The following SOS1 variants were observed in gnomAD, a reference collection of about 807,000 sequenced individuals.
The protein encoded by SOS1 is SOS Ras/Rac guanine nucleotide exchange factor 1.
A neutral mutation model predicts 157.6 loss-of-function variants in SOS1; 25 were observed. The observed-to-expected ratio is 0.16, with a 90% CI of 0.12 to 0.22. The LOEUF (loss-of-function observed/expected upper bound fraction) is 0.22, where lower values mean the gene tolerates loss of function less well. SOS1 is among the 10% of genes least tolerant of loss of function. The probability of loss-of-function intolerance (pLI) is 1.00; values close to 1 mark genes in which losing one functional copy is unlikely to be tolerated. For missense variants in SOS1, 1,237 were observed against 1,599.1 expected (o/e 0.77, Z 3.86); for synonymous variants, 528 against 534.0 (o/e 0.99, Z 0.16).
At chr2:39,119,922 G>C (rs1383757071) in intron 1 of SOS1, among the ~76,000 whole-genome samples, 1 of 152,140 alleles carries the variant, frequency 6.6e-6, no homozygotes, top group African/African-American at 2.4e-5. Context: ...CTTACGGCCA[G>C]GGCATTCTCA....
chr2:38,997,066 T>A, intron 18 of SOS1, 28 bp from the exon 19 acceptor site: 2 of 1,215,082 alleles, frequency 1.6e-6, no homozygotes, highest in Non-Finnish European at 2.4e-6. Context: ...AAAAAATTAT[T>A]AATATTCAAA....
At chr2:39,018,225 T>C (rs1669689089) in intron 10 of SOS1, among the ~76,000 whole-genome samples, 1 of 151,926 alleles carries the variant, frequency 6.6e-6, no homozygotes, top group Non-Finnish European at 1.5e-5. Flanking sequence ...TGTTTATCAC[T>C]TACTTGTGGA....
At chr2:39,060,956 C>T (rs999316858) in intron 2 of SOS1, among the ~76,000 whole-genome samples, 6 of 149,004 alleles carry the variant, frequency 4.0e-5, no homozygotes, top group African/African-American at 1.2e-4. Context: ...AAATCACCAG[C>T]GGTGGAATTA....
chr2:39,104,456 T>G (rs925887089), intron 1 of SOS1, among the ~76,000 whole-genome samples: 2 of 151,808 alleles, frequency 1.3e-5, no homozygotes, highest in African/African-American at 4.8e-5. Flanking sequence ...AGAAAGAAAA[T>G]AGCAAGTGTG....
intron 1 of SOS1, among the ~76,000 whole-genome samples, chr2:39,100,275 TAAAAA>T (rs1672917397): frequency 6.6e-6 from 1 of 152,032 alleles, no homozygotes; most frequent in Non-Finnish European, 1.5e-5. Flanking sequence ...CTCAAAAACT[TAAAAA>T]TAGAACTACC....
At chr2:39,117,840 G>C (rs1056361430) in intron 1 of SOS1, among the ~76,000 whole-genome samples, 1 of 152,180 alleles carries the variant, frequency 6.6e-6, no homozygotes, top group Non-Finnish European at 1.5e-5. Context: ...GTAATACAAA[G>C]AAGCCAGAGA....
intron 19 of SOS1, among the ~76,000 whole-genome samples, chr2:38,995,783 T>TAAC (rs1201745491): frequency 6.6e-6 from 1 of 152,226 alleles, no homozygotes; most frequent in Non-Finnish European, 1.5e-5. Context: ...TTCTATTCTG[T>TAAC]AATACAGTGA....
At chr2:38,989,585 T>C (rs1316579345) in intron 20 of SOS1, among the ~76,000 whole-genome samples, 1 of 152,058 alleles carries the variant, frequency 6.6e-6, no homozygotes, top group Non-Finnish European at 1.5e-5. Context: ...TGAAAGACTT[T>C]TTAAAATGTA....
chr2:39,114,262 A>AT (rs1225105143), intron 1 of SOS1, among the ~76,000 whole-genome samples: 1 of 149,328 alleles, frequency 6.7e-6, no homozygotes, highest in Non-Finnish European at 1.5e-5. Flanking sequence ...AGCCTGGCTA[A>AT]TTTTTTTTGT....
intron 6 of SOS1, among the ~76,000 whole-genome samples, chr2:39,049,371 G>T (rs1292224155): frequency 2.6e-5 from 4 of 152,138 alleles, no homozygotes; most frequent in Admixed American, 6.5e-5. Flanking sequence ...TTCAATGCTT[G>T]TATATTTAAT....
chr2:39,060,934 G>GGA (rs1671378741), intron 2 of SOS1, among the ~76,000 whole-genome samples: 1 of 140,296 alleles, frequency 7.1e-6, no homozygotes, highest in African/African-American at 2.6e-5. Flanking sequence ...ACATGTCTTT[G>GGA]AAAAAAAAAA....
intron 20 of SOS1, among the ~76,000 whole-genome samples, chr2:38,991,638 G>A (rs561208989): frequency 1.1e-4 from 17 of 152,306 alleles, no homozygotes; most frequent in African/African-American, 4.1e-4. Flanking sequence ...CACTAAGTAC[G>A]TGGCCACTTC....
intron 17 of SOS1, among the ~76,000 whole-genome samples, chr2:39,003,070 A>AC (rs1553352665): frequency 8.3e-5 from 8 of 96,262 alleles, no homozygotes; most frequent in Admixed American, 1.1e-4. Context: ...TTGTATCAAA[A>AC]AAAAAAAAGA....
At chr2:39,036,659 C>T (rs548838189) in intron 6 of SOS1, among the ~76,000 whole-genome samples, 1 of 152,264 alleles carries the variant, frequency 6.6e-6, no homozygotes, top group Admixed American at 6.5e-5. Context: ...CTGCAAGCTC[C>T]GCCTCCCAAG....
intron 20 of SOS1, chr2:38,992,695 T>A (rs769811483): frequency 2.0e-5 from 3 of 152,176 alleles, no homozygotes; most frequent in Non-Finnish European, 2.9e-5. Flanking sequence ...GTGGTTTCAA[T>A]AGTTCACTTA....
intron 6 of SOS1, among the ~76,000 whole-genome samples, chr2:39,043,084 T>C (rs888328770): frequency 2.6e-5 from 4 of 152,186 alleles, no homozygotes; most frequent in African/African-American, 7.2e-5. Flanking sequence ...AGTTTCTTAG[T>C]TTTGCTATAG....
chr2:39,078,771 T>C (rs537329034), intron 1 of SOS1, among the ~76,000 whole-genome samples: 1 of 151,620 alleles, frequency 6.6e-6, no homozygotes, highest in Non-Finnish European at 1.5e-5. Context: ...GCCAAAAAGG[T>C]TGGGGACTGG....
chr2:39,061,345 A>G (rs6544195), intron 2 of SOS1, among the ~76,000 whole-genome samples: 140,502 of 151,998 alleles, frequency 0.92, 65,046 homozygotes, highest in African/African-American at 0.97. Context: ...TAATTTTATG[A>G]TAAAATAAAA....
chr2:39,076,509 A>G (rs1218106119), intron 1 of SOS1, among the ~76,000 whole-genome samples: 1 of 152,260 alleles, frequency 6.6e-6, no homozygotes, highest in Non-Finnish European at 1.5e-5. Context: ...CAACAAAAGT[A>G]AATCTTTTGT....
Sources: gnomAD v4.1 joint callset for allele counts (sites outside exome capture counted in the v4.1 genomes callset) on GRCh38, gnomAD v4.1.1 for gene constraint, MANE v1.5 for transcripts, NCBI Gene and HGNC (gene_info 2026-07-23, HGNC 2026-07-21) for gene names.